AIFM2: variants seen among roughly 807,000 people sequenced by gnomAD.
AIFM2 encodes the protein ferroptosis suppressor protein 1.
Under a neutral mutation model 35.7 loss-of-function variants are expected in AIFM2, and 38 were observed. The ratio of observed to expected loss-of-function variants is 1.06; its 90% CI spans 0.82 to 1.39. AIFM2 has a LOEUF of 1.39. Among genes scored for constraint, AIFM2 ranks in the 40% most tolerant of loss-of-function variants. AIFM2 has a pLI of 0.00. For missense variants in AIFM2, 476 were observed against 491.2 expected, an observed-to-expected ratio of 0.97 and a Z score of 0.29; for synonymous variants, 185 against 203.5, an observed-to-expected ratio of 0.91 and a Z score of 0.77.
chr10:70,113,565 G>C lies in AIFM2; in HGVS notation c.*613C>G, dbSNP rs1486848956. The C allele has an allele frequency of 6.6e-6, 1 of 152,164 alleles. No individual in the cohort carries two copies. The highest frequency in any genetic ancestry group is 1.5e-5 in the Non-Finnish European group (1 of 68,046). 9.4% of individuals were successfully genotyped at this position (152,164 alleles called of 1,614,324 possible). A position where few individuals can be genotyped will look rare whatever the true frequency, so the allele number is the denominator to read the frequency against. On this transcript the variant is annotated 3_prime_UTR_variant, in exon 9 of 9. Coordinates refer to ENST00000307864, the MANE Select transcript of AIFM2 (RefSeq NM_032797.6). ...AACAAACAAATAAAGTGGAAATGTA[G>C]GAAGGCCATGAGGCTTAAGGAGCAC... is the stretch of plus-strand genomic sequence containing the variant.
Position 70,117,722 on chromosome 10 carries a change from C to G in AIFM2, c.616+90G>C. The G allele has an allele frequency of 9.2e-7, 1 of 1,085,118 alleles. No homozygotes were observed. The highest frequency in any genetic ancestry group is 1.3e-6 in the Non-Finnish European group (1 of 754,940). 67.2% of individuals were successfully genotyped at this position (1,085,118 alleles called of 1,614,324 possible). ...AGAGAGAGCCTGGGGTGGACCATAG[C>G]CACCCTCCTGCTGGAAGCAGTCACC... On this transcript the variant is annotated intron_variant, in intron 6 of 8. Transcript: ENST00000307864. This position sits in a 1 kb window ranked among gnomAD's most constrained non-coding sequence, Gnocchi z 4.7.
At chr10:70,122,992 G>A (rs981322860) in intron 3 of AIFM2, among the ~76,000 whole-genome samples, 4 of 152,118 alleles carry the variant, frequency 2.6e-5, no homozygotes, top group African/African-American at 4.8e-5. Flanking sequence ...CCAGCACCAG[G>A]CAGGGCTTGG....
chr10:70,120,106 TG>T (rs2136657172), intron 5 of AIFM2, among the ~76,000 whole-genome samples: 1 of 152,326 alleles, frequency 6.6e-6, no homozygotes, highest in African/African-American at 2.4e-5. Flanking sequence ...TTGTCCAAGC[TG>T]GTTGCCAGCA....
At chr10:70,129,263 C>T (rs893168077) in intron 1 of AIFM2, among the ~76,000 whole-genome samples, 21 of 151,572 alleles carry the variant, frequency 1.4e-4, no homozygotes, top group East Asian at 1.4e-3. Flanking sequence ...ACTGTGATTT[C>T]GAGCTGTAGA....
chr10:70,131,009 G>C lies in AIFM2; in HGVS notation c.-14+1725C>G, dbSNP rs1324676585. ...TTTCTCTGCCAAGAGCATCCACCCT[G>C]ATCTCAAGGGTATTATTCCACAATA... On this transcript the variant is annotated intron_variant, in intron 1 of 8. Coordinates refer to ENST00000307864, the MANE Select transcript of AIFM2 (RefSeq NM_032797.6). The surrounding 1 kb of genome is among the most constrained non-coding windows in gnomAD (Gnocchi z 4.1). Among the ~76,000 whole-genome samples the C allele has an allele frequency of 6.6e-6, 1 of 152,070 alleles. No homozygotes were observed. The highest frequency in any genetic ancestry group is 1.5e-5 in the Non-Finnish European group (1 of 68,024).
chr10:70,115,215 T>C (rs949746090), intron 7 of AIFM2, 95 bp from the exon 8 acceptor site: 4 of 1,346,906 alleles, frequency 3.0e-6, no homozygotes, highest in Middle Eastern at 2.1e-4. Context: ...CACTGGTCAA[T>C]AGGTGCTGGT....
chr10:70,118,112 G>A (rs2072458837), intron 5 of AIFM2, 192 bp from the exon 6 acceptor site: 1 of 532,746 alleles, frequency 1.9e-6, no homozygotes, highest in Non-Finnish European at 3.3e-6. Context: ...TCTAGACTAG[G>A]ACTCTTTCAG....
intron 1 of AIFM2, among the ~76,000 whole-genome samples, chr10:70,132,069 T>C (rs1325514271): frequency 6.6e-6 from 1 of 151,762 alleles, no homozygotes; most frequent in Non-Finnish European, 1.5e-5. Flanking sequence ...TAGGGAAAGG[T>C]AGGGTGTGTT....
intron 3 of AIFM2, among the ~76,000 whole-genome samples, chr10:70,123,175 C>T (rs1315116211): frequency 6.6e-6 from 1 of 152,214 alleles, no homozygotes; most frequent in Non-Finnish European, 1.5e-5. Context: ...CCCACCACCA[C>T]ACCCAGCTAA....
In AIFM2 at chr10:70,115,997, T is replaced by C. The variant is rs16927335; in HGVS notation, c.769+625A>G. On this transcript the variant is annotated intron_variant, in intron 7 of 8. Coordinates refer to ENST00000307864, the MANE Select transcript of AIFM2 (RefSeq NM_032797.6). ...CTGGGATTGGATCATTACTTCCTGC[T>C]GGACACAAGGCAGGAGCTCCTTGTC... 7.9e-3 allele frequency among the ~76,000 whole-genome samples: 1,200 copies of C among 152,210 alleles called. 45 individuals are homozygous for C. Among genetic ancestry groups the C allele is most frequent in the Admixed American group, 0.053 (809 of 15,276 alleles).
intron 4 of AIFM2, 92 bp from the exon 5 acceptor site, chr10:70,120,691 G>T: frequency 1.4e-6 from 2 of 1,381,448 alleles, no homozygotes; most frequent in South Asian, 1.2e-5. Flanking sequence ...TGGCTCCCTG[G>T]GCCAAAGGAG....
rs2072405418 is a variant in AIFM2 at position 70,114,109 on chromosome 10, G to C, written c.*69C>G. 9 of 1,533,778 alleles carry C rather than the reference G, an allele frequency of 5.9e-6. No individual in the cohort carries two copies. The highest frequency in any genetic ancestry group is 7.9e-6 in the Non-Finnish European group (9 of 1,143,038). On this transcript the variant is annotated 3_prime_UTR_variant, in exon 9 of 9. Coordinates refer to ENST00000307864, the MANE Select transcript of AIFM2 (RefSeq NM_032797.6). ...ATAGCATTAGTTCTAGCACTTGCCA[G>C]GCGGGTGCCATGCGCCAAGCAGTCC...
intron 1 of AIFM2, among the ~76,000 whole-genome samples, chr10:70,129,347 C>A (rs2072602942): frequency 6.6e-6 from 1 of 152,022 alleles, no homozygotes; most frequent in East Asian, 1.9e-4. Flanking sequence ...GAATACACAG[C>A]AGCCACGTTT....
chr10:70,126,685 T>A (rs957920198), intron 1 of AIFM2, among the ~76,000 whole-genome samples: 2 of 152,212 alleles, frequency 1.3e-5, no homozygotes, highest in African/African-American at 4.8e-5. Flanking sequence ...CCCACACTTA[T>A]GGGGCAGCTT....
chr10:70,127,356 G>A (rs911955685), intron 1 of AIFM2, among the ~76,000 whole-genome samples: 4 of 152,186 alleles, frequency 2.6e-5, no homozygotes, highest in Non-Finnish European at 5.9e-5. Flanking sequence ...AGCACCCAGG[G>A]ACACTCAAAA....
At position 70,114,924 on chromosome 10, in the gene AIFM2, C is replaced by T; in HGVS notation, c.966G>A (p.Lys322=). ...SVKQRPLQAY[K]PGALTFLLSM... is the part of the protein sequence containing the mutation. ...AGCACATGGGGCCTCTCTTACCCGG[C>T]TTGTAGGCCTGGAGAGGCCGCTGCT... Residue 322 remains lysine (K), a synonymous_variant, in exon 8 of 9, where the codon AAG becomes AAA. Transcript: ENST00000307864. 1.2e-6 allele frequency: 2 copies of T among 1,614,044 alleles called. No individual in the cohort carries two copies. Among genetic ancestry groups the T allele is most frequent in the Non-Finnish European group, 1.7e-6 (2 of 1,179,970 alleles).
intron 4 of AIFM2, 39 bp from the exon 5 acceptor site, chr10:70,120,638 A>G (rs2072490041): frequency 6.2e-7 from 1 of 1,602,344 alleles, no homozygotes; most frequent in African/African-American, 1.3e-5. Flanking sequence ...CATATGAAAC[A>G]CACCTACACA....
In AIFM2 at chr10:70,126,533, C is replaced by G. The variant is rs572012670; in HGVS notation, c.-13-2436G>C. Among the ~76,000 whole-genome samples, 11 of 152,294 alleles carry G rather than the reference C, an allele frequency of 7.2e-5. No homozygotes were observed. In the East Asian group the frequency reaches 7.7e-4, roughly 11 times the overall value. On this transcript the variant is annotated intron_variant, in intron 1 of 8. Coordinates refer to ENST00000307864, the MANE Select transcript of AIFM2 (RefSeq NM_032797.6). ...CATCTTTGCGGGTCTGGGGCACAAC[C>G]CCTTCCCTCTCTAGGCCTCAATTTA...
intron 4 of AIFM2, 136 bp from the exon 5 acceptor site, chr10:70,120,735 C>A (rs967043129): frequency 1.1e-6 from 1 of 947,148 alleles, no homozygotes; most frequent in Non-Finnish European, 1.6e-6. Flanking sequence ...TGAGTCCAAA[C>A]GTGCTTCCTC....
Sources: allele counts gnomAD v4.1 joint callset (sites outside exome capture counted in the v4.1 genomes callset), GRCh38; gene constraint gnomAD v4.1.1; non-coding constraint Gnocchi (gnomAD v3.1); transcripts MANE v1.5; gene names NCBI Gene and HGNC (gene_info 2026-07-23, HGNC 2026-07-21).